The following GLCE variants were observed in gnomAD, a reference collection of about 807,000 sequenced individuals.
The protein encoded by GLCE is D-glucuronyl C5-epimerase.
GLCE carries 19 observed loss-of-function variants against 47.9 expected under a neutral mutation model. That is an observed-to-expected ratio of 0.40 (90% CI 0.28 to 0.58). GLCE has a LOEUF of 0.58. Ranked by LOEUF, GLCE falls within the 20% of genes least tolerant of loss-of-function variation. The pLI is 0.48. For synonymous variants in GLCE, 245 were observed against 263.4 expected, an observed-to-expected ratio of 0.93 and a Z score of 0.68; for missense variants, 556 against 743.3, an observed-to-expected ratio of 0.75 and a Z score of 2.93.
rs755019735 is a variant in GLCE, at chr15:69,271,791, G to C, written c.*2547G>C. On this transcript the variant is annotated 3_prime_UTR_variant, in exon 5 of 5. Transcript: ENST00000261858. ...CTTTTAGGAGTTATTGTACATAAAG[G>C]CTTCATCCACGAACCATCCAGCGCA... 6.6e-6 allele frequency: 1 copy of C among 152,536 alleles called. No homozygotes were observed. 9.4% of individuals were successfully genotyped at this position (152,536 alleles called of 1,614,324 possible).
chr15:69,238,329 C>T (rs967838580), intron 2 of GLCE, among the ~76,000 whole-genome samples: 4 of 151,926 alleles, frequency 2.6e-5, no homozygotes, highest in Non-Finnish European at 5.9e-5. Flanking sequence ...ACTTCAAAGC[C>T]AGATTAAATC....
chr15:69,181,119 G>A (rs2051743260), intron 1 of GLCE, among the ~76,000 whole-genome samples: 1 of 152,150 alleles, frequency 6.6e-6, no homozygotes, highest in Non-Finnish European at 1.5e-5. Context: ...CACCTAGAAG[G>A]CTAGTTACCC....
intron 2 of GLCE, among the ~76,000 whole-genome samples, chr15:69,226,950 G>T (rs2052457479): frequency 6.6e-6 from 1 of 151,758 alleles, no homozygotes; most frequent in Non-Finnish European, 1.5e-5. Flanking sequence ...TCGCCATGTT[G>T]GCCAGGCTGG....
chr15:69,256,636 A>T (rs181561200), intron 3 of GLCE, among the ~76,000 whole-genome samples: 52 of 152,206 alleles, frequency 3.4e-4, no homozygotes, highest in South Asian at 6.2e-4. Flanking sequence ...CTCAGAATCT[A>T]AAATTCTCAC....
At chr15:69,267,481 G>T (rs923315744) in intron 4 of GLCE, among the ~76,000 whole-genome samples, 1 of 152,120 alleles carries the variant, frequency 6.6e-6, no homozygotes, top group African/African-American at 2.4e-5. Context: ...CTCACTTTTT[G>T]TTGTACACAT....
chr15:69,194,111 C>T (rs569276404), intron 1 of GLCE, among the ~76,000 whole-genome samples: 120 of 152,198 alleles, frequency 7.9e-4, no homozygotes, highest in African/African-American at 2.8e-3. Context: ...CGGCCTTGGC[C>T]CTAGAAAACA....
At chr15:69,184,996 G>A (rs1190275306) in intron 1 of GLCE, among the ~76,000 whole-genome samples, 2 of 152,184 alleles carry the variant, frequency 1.3e-5, no homozygotes, top group East Asian at 3.9e-4. Context: ...ATCCACCATT[G>A]AGCTAAAGTT....
At chr15:69,249,637 A>G (rs777093619) in intron 2 of GLCE, among the ~76,000 whole-genome samples, 2 of 147,406 alleles carry the variant, frequency 1.4e-5, no homozygotes, top group South Asian at 2.1e-4. Flanking sequence ...TATTCGAGGG[A>G]AAAAAAGCCA....
At chr15:69,260,422 G>C (rs1453812257) in intron 3 of GLCE, among the ~76,000 whole-genome samples, 4 of 151,980 alleles carry the variant, frequency 2.6e-5, no homozygotes, top group Non-Finnish European at 5.9e-5. Context: ...ACCACCCCCA[G>C]CTAGCTTTTT....
intron 1 of GLCE, among the ~76,000 whole-genome samples, chr15:69,208,886 A>G (rs1032140896): frequency 5.3e-5 from 8 of 152,004 alleles, no homozygotes; most frequent in Admixed American, 2.0e-4. Context: ...GCTATTTTGA[A>G]CGGTATTATT....
chr15:69,184,173 C>G (rs1271606598), intron 1 of GLCE, among the ~76,000 whole-genome samples: 1 of 152,162 alleles, frequency 6.6e-6, no homozygotes, highest in Non-Finnish European at 1.5e-5. Flanking sequence ...GAACATCAAT[C>G]CCAATATTGA....
intron 1 of GLCE, among the ~76,000 whole-genome samples, chr15:69,191,825 T>C (rs1026040421): frequency 2.0e-5 from 3 of 152,188 alleles, no homozygotes; most frequent in African/African-American, 7.2e-5. Flanking sequence ...ATAGCACTCC[T>C]GAGCCTGCTG....
chr15:69,216,328 G>C (rs1174073204), intron 2 of GLCE, among the ~76,000 whole-genome samples: 1 of 152,058 alleles, frequency 6.6e-6, no homozygotes, highest in East Asian at 1.9e-4. Context: ...ACTGTCTTAG[G>C]ATATCTGTCA....
At chr15:69,193,408 A>G (rs1251553385) in intron 1 of GLCE, among the ~76,000 whole-genome samples, 1 of 152,086 alleles carries the variant, frequency 6.6e-6, no homozygotes, top group East Asian at 1.9e-4. Context: ...AACATTGCAT[A>G]CTTTTCCATT....
rs200512813 is a variant in GLCE at position 69,261,214 on chromosome 15, A to G, written c.714A>G (p.Thr238=). ...CTCCTCACATAGAGGTATATGAAAC[A>G]GCAGAAGACAGAGACAAAAACAAGC... ...EKPPHIEVYE[T]AEDRDKNKPN... is the part of the protein sequence containing the mutation. The change falls in exon 4 of 5, where the codon ACA becomes ACG. Residue 238 remains threonine, a synonymous_variant. Transcript: ENST00000261858. 2.5e-6 allele frequency: 4 copies of G among 1,614,064 alleles called. No homozygotes were observed. Among genetic ancestry groups the G allele is most frequent in the Non-Finnish European group, 1.7e-6 (2 of 1,180,030 alleles).
chr15:69,222,100 A>G (rs953610762), intron 2 of GLCE, among the ~76,000 whole-genome samples: 1 of 152,210 alleles, frequency 6.6e-6, no homozygotes, highest in Admixed American at 6.5e-5. Flanking sequence ...GTTCAGCTTT[A>G]CGCTCATGGG....
chr15:69,232,313 T>A (rs548250902), intron 2 of GLCE, among the ~76,000 whole-genome samples: 2 of 152,288 alleles, frequency 1.3e-5, no homozygotes, highest in South Asian at 4.1e-4. Context: ...CTAGGACTAA[T>A]TTATGTTCTT....
intron 1 of GLCE, among the ~76,000 whole-genome samples, chr15:69,187,061 A>C (rs1282166994): frequency 1.3e-5 from 2 of 152,198 alleles, no homozygotes; most frequent in African/African-American, 4.8e-5. Context: ...AAAAACTAAT[A>C]TATCCATTCA....
chr15:69,245,793 G>A (rs1230888353), intron 2 of GLCE, among the ~76,000 whole-genome samples: 4 of 151,874 alleles, frequency 2.6e-5, no homozygotes, highest in Non-Finnish European at 4.4e-5. Flanking sequence ...CAGGGGCACC[G>A]TGTGAGCTCA....
Sources: gnomAD v4.1 joint callset for allele counts (sites outside exome capture counted in the v4.1 genomes callset) on GRCh38, gnomAD v4.1.1 for gene constraint, MANE v1.5 for transcripts, NCBI Gene and HGNC (gene_info 2026-07-23, HGNC 2026-07-21) for gene names.